Variants in HNMT observed in about 807,000 individuals in gnomAD.
The protein encoded by HNMT is histamine N-methyltransferase.
A neutral mutation model predicts 32.1 loss-of-function variants in HNMT; 30 were observed. The ratio of observed to expected loss-of-function variants is 0.93; its 90% CI spans 0.70 to 1.27. The LOEUF (loss-of-function observed/expected upper bound fraction) is 1.27, where lower values mean the gene tolerates loss of function less well. Ranked by LOEUF, HNMT falls within the 50% of genes most tolerant of loss-of-function variation. The probability of loss-of-function intolerance (pLI) is 0.00; values close to 1 mark genes in which losing one functional copy is unlikely to be tolerated. For missense variants in HNMT, 327 were observed against 346.0 expected (o/e 0.95, Z 0.43); for synonymous variants, 125 against 119.0 (o/e 1.05, Z -0.33).
intron 2 of HNMT, among the ~76,000 whole-genome samples, chr2:137,998,498 C>T (rs578223474): frequency 9.9e-5 from 15 of 152,198 alleles, no homozygotes; most frequent in African/African-American, 2.9e-4. Context: ...ATAGATTTTA[C>T]GTTCTAATTG....
chr2:137,987,826 C>T (rs114328172), intron 2 of HNMT, among the ~76,000 whole-genome samples: 427 of 151,750 alleles, frequency 2.8e-3, no homozygotes, highest in Non-Finnish European at 4.3e-3. Flanking sequence ...TAATTTAGAT[C>T]AGGAAAGACA....
chr2:137,973,886 A>G (rs1174734824), intron 2 of HNMT, among the ~76,000 whole-genome samples: 1 of 152,068 alleles, frequency 6.6e-6, no homozygotes, highest in Non-Finnish European at 1.5e-5. Flanking sequence ...TTGTGTGGAA[A>G]GAGTTTTCAT....
intron 2 of HNMT, chr2:137,981,473 C>A (rs898974680): frequency 1.2e-5 from 12 of 977,596 alleles, no homozygotes; most frequent in African/African-American, 3.3e-5. Context: ...CACACCGCAG[C>A]TTCCCCTTTC....
At chr2:137,996,987 C>T (rs998627788) in intron 2 of HNMT, among the ~76,000 whole-genome samples, 10 of 151,926 alleles carry the variant, frequency 6.6e-5, no homozygotes, top group Non-Finnish European at 1.3e-4. Flanking sequence ...AACTGAAACT[C>T]GACCCCTTCC....
chr2:137,974,174 G>A (rs1680217802), intron 2 of HNMT, among the ~76,000 whole-genome samples: 1 of 152,166 alleles, frequency 6.6e-6, no homozygotes, highest in Non-Finnish European at 1.5e-5. Context: ...CTTTTACAGA[G>A]ACCAAACTTG....
chr2:137,967,023 G>A, intron 1 of HNMT: 1 of 773,684 alleles, frequency 1.3e-6, no homozygotes, highest in Non-Finnish European at 2.4e-6. Context: ...TTAATCGTTT[G>A]ACTGGATATA....
Position 137,974,917 on chromosome 2 carries a change from GC to G in HNMT, c.190+4701del, listed in dbSNP as rs1471146705. On this transcript the variant is annotated intron_variant, in intron 2 of 5. Coordinates refer to ENST00000280097, the MANE Select transcript of HNMT (RefSeq NM_006895.3). ...ACCAGTTTGATGGGTCTCCTGTTCT[GC>G]AGCATATAGACACCAGCATTTCTAC... Among the ~76,000 whole-genome samples the G allele has an allele frequency of 6.6e-5, 10 of 152,150 alleles. No homozygotes were observed. The East Asian group carries it at 1.7e-3, about 26-fold the overall frequency.
Position 138,015,443 on chromosome 2 carries a change from G to A in HNMT, c.*1313G>A, listed in dbSNP as rs1252870184. On this transcript the variant is annotated 3_prime_UTR_variant, in exon 6 of 6. Coordinates refer to ENST00000280097, the MANE Select transcript of HNMT (RefSeq NM_006895.3). ...GTATAATCACTTTAAAAAGTTAAAC[G>A]ACCCATCTCAATCACCTAGTTTATC... 4.6e-5 allele frequency: 7 copies of A among 151,964 alleles called. No individual in the cohort carries two copies. Among genetic ancestry groups the A allele is most frequent in the African/African-American group, 7.3e-5 (3 of 41,372 alleles). 9.4% of individuals were successfully genotyped at this position (151,964 alleles called of 1,614,324 possible). A position where few individuals can be genotyped will look rare whatever the true frequency, so the allele number is the denominator to read the frequency against.
chr2:138,013,658 G>A (rs1203262912), intron 5 of HNMT, 117 bp from the exon 6 acceptor site: 2 of 706,832 alleles, frequency 2.8e-6, no homozygotes, highest in African/African-American at 1.8e-5. Flanking sequence ...TGAAATATGA[G>A]CTGCACAAAG....
intron 2 of HNMT, among the ~76,000 whole-genome samples, chr2:137,975,254 T>C (rs1475075687): frequency 6.6e-6 from 1 of 152,060 alleles, no homozygotes; most frequent in Non-Finnish European, 1.5e-5. Flanking sequence ...CTTCAATATT[T>C]AAAGGGGGAA....
rs1432381399 is a variant in HNMT, at chr2:137,974,453, C to T, written c.190+4236C>T. Among the ~76,000 whole-genome samples, 3 of 151,998 alleles carry T rather than the reference C, an allele frequency of 2.0e-5. 1 individual carries two copies. The East Asian group carries it at 5.8e-4, about 29-fold the overall frequency. On this transcript the variant is annotated intron_variant, in intron 2 of 5. Transcript: ENST00000280097. ...ACCTCTAATGAGTGTTGTCTTCATG[C>T]TAGATGGTACGTGGGAAAAAAGAAA...
At chr2:137,967,918 C>T (rs1372978251) in intron 1 of HNMT, among the ~76,000 whole-genome samples, 1 of 152,154 alleles carries the variant, frequency 6.6e-6, no homozygotes, top group Non-Finnish European at 1.5e-5. Flanking sequence ...AGACAGCTCC[C>T]CAACCACCTA....
intron 4 of HNMT, 159 bp downstream of exon 4, chr2:138,002,353 T>A: frequency 3.8e-6 from 4 of 1,053,660 alleles, no homozygotes; most frequent in Non-Finnish European, 4.8e-6. Context: ...GGTAAAGATG[T>A]TTATTATACT....
chr2:137,972,396 A>G (rs1680165415), intron 2 of HNMT, among the ~76,000 whole-genome samples: 1 of 152,162 alleles, frequency 6.6e-6, no homozygotes, highest in African/African-American at 2.4e-5. Flanking sequence ...ATGAGCCACC[A>G]TGCCCGACAG....
intron 2 of HNMT, among the ~76,000 whole-genome samples, chr2:137,985,787 T>A (rs1175725273): frequency 6.6e-6 from 1 of 152,156 alleles, no homozygotes; most frequent in East Asian, 1.9e-4. Context: ...ACATTTACTA[T>A]AATACAGCAA....
At chr2:137,970,464 A>T (rs766993007) in intron 2 of HNMT, among the ~76,000 whole-genome samples, 1 of 152,210 alleles carries the variant, frequency 6.6e-6, no homozygotes, top group African/African-American at 2.4e-5. Flanking sequence ...TAGATGAAAA[A>T]TCAAATAGGA....
chr2:137,978,810 T>G (rs1007097871), intron 2 of HNMT, among the ~76,000 whole-genome samples: 1 of 139,674 alleles, frequency 7.2e-6, no homozygotes, highest in African/African-American at 2.6e-5. Flanking sequence ...TAATATAGTA[T>G]TATATAATAC....
chr2:138,008,702 G>A (rs1224775650), intron 5 of HNMT, among the ~76,000 whole-genome samples: 1 of 151,890 alleles, frequency 6.6e-6, no homozygotes, highest in Admixed American at 6.6e-5. Context: ...ATAAATGGTG[G>A]TGGGATAACT....
chr2:137,979,899 G>A (rs996578224), intron 2 of HNMT, among the ~76,000 whole-genome samples: 2 of 151,836 alleles, frequency 1.3e-5, no homozygotes, highest in African/African-American at 4.8e-5. Context: ...TTTTATATAC[G>A]AGAGATGATG....
Sources: gnomAD v4.1 joint callset for allele counts (sites outside exome capture counted in the v4.1 genomes callset) on GRCh38, gnomAD v4.1.1 for gene constraint, MANE v1.5 for transcripts, NCBI Gene and HGNC (gene_info 2026-07-23, HGNC 2026-07-21) for gene names.